MACROD2: variants seen among roughly 807,000 people sequenced by gnomAD.
MACROD2 encodes the protein mono-ADP ribosylhydrolase 2.
Under a neutral mutation model 70.4 loss-of-function variants are expected in MACROD2, and 36 were observed. The observed-to-expected ratio is 0.51, with a 90% confidence interval of 0.39 to 0.68. The LOEUF is 0.68. MACROD2 is among the 30% of genes least tolerant of loss of function. MACROD2 has a pLI of 0.00. For missense variants in MACROD2, 496 were observed against 538.4 expected (o/e 0.92, Z 0.78); for synonymous variants, 172 against 178.8 (o/e 0.96, Z 0.30).
At chr20:15,037,521 A>G (rs542633324) in intron 5 of MACROD2, among the ~76,000 whole-genome samples, 1 of 152,254 alleles carries the variant, frequency 6.6e-6, no homozygotes, top group African/African-American at 2.4e-5. Context: ...TTCTGCCAGG[A>G]CTGTCACATG....
chr20:15,326,492 T>C (rs1195618605), intron 6 of MACROD2, among the ~76,000 whole-genome samples: 1 of 152,128 alleles, frequency 6.6e-6, no homozygotes, highest in Non-Finnish European at 1.5e-5. Context: ...TTATTAACAA[T>C]TTATACACTC....
At chr20:15,264,835 C>G (rs1220880015) in intron 6 of MACROD2, among the ~76,000 whole-genome samples, 3 of 151,938 alleles carry the variant, frequency 2.0e-5, no homozygotes, top group Non-Finnish European at 4.4e-5. Flanking sequence ...CCTGACCACC[C>G]CAAACTTCAT....
intron 5 of MACROD2, chr20:14,894,705 A>G (rs1237022945): frequency 6.6e-6 from 1 of 152,184 alleles, no homozygotes; most frequent in East Asian, 1.9e-4. Flanking sequence ...AATCCAGTCA[A>G]ATAGCAAATA....
At chr20:15,168,441 A>ATGTG (rs56188346) in intron 5 of MACROD2, among the ~76,000 whole-genome samples, 8,399 of 134,618 alleles carry the variant, frequency 0.062, 311 homozygotes, top group African/African-American at 0.094. Flanking sequence ...ACATTGTGGG[A>ATGTG]TGTGTGTGTG....
intron 5 of MACROD2, among the ~76,000 whole-genome samples, chr20:15,088,223 A>G (rs1361359194): frequency 6.6e-6 from 1 of 151,620 alleles, no homozygotes; most frequent in African/African-American, 2.4e-5. Flanking sequence ...CTCTTTTGGC[A>G]TCATATATAA....
At chr20:14,932,099 T>C (rs1233569984) in intron 5 of MACROD2, among the ~76,000 whole-genome samples, 3 of 151,428 alleles carry the variant, frequency 2.0e-5, no homozygotes, top group African/African-American at 7.3e-5. Context: ...GGAAGCATAA[T>C]AGAGAAAGTT....
At chr20:15,101,088 A>G (rs1296471859) in intron 5 of MACROD2, among the ~76,000 whole-genome samples, 1 of 152,170 alleles carries the variant, frequency 6.6e-6, no homozygotes, top group Non-Finnish European at 1.5e-5. Context: ...AGTTGATGGA[A>G]AGAGCATGTT....
intron 3 of MACROD2, among the ~76,000 whole-genome samples, chr20:14,134,818 A>AAAC (rs2054772957): frequency 6.6e-6 from 1 of 151,422 alleles, no homozygotes; most frequent in South Asian, 2.1e-4. Flanking sequence ...AAAAAAAAAA[A>AAAC]AAAACAGCTA....
At position 15,632,224 on chromosome 20, in the gene MACROD2, G is replaced by C. The variant is rs578042260; in HGVS notation, c.645+132377G>C. ...AGAATAAAAATAAAATAAATAAAAAGAGTCTTGGCTTATTCTGAAGACAGT... is the reference window on the plus strand; with the variant it reads ...AGAATAAAAATAAAATAAATAAAAACAGTCTTGGCTTATTCTGAAGACAGT... On this transcript the variant is annotated intron_variant, in intron 8 of 17. Coordinates refer to ENST00000684519, the MANE Select transcript of MACROD2 (RefSeq NM_001351661.2). Among the ~76,000 whole-genome samples the C allele has an allele frequency of 4.0e-5, 6 of 151,578 alleles. No individual in the cohort carries two copies. In the South Asian group the frequency reaches 6.3e-4, roughly 16 times the overall value.
chr20:16,002,631 AGTAG>A (rs1229635009), intron 15 of MACROD2, among the ~76,000 whole-genome samples: 1 of 152,198 alleles, frequency 6.6e-6, no homozygotes, highest in African/African-American at 2.4e-5. Flanking sequence ...TAGAAACCGT[AGTAG>A]GTAATCAAAC....
intron 5 of MACROD2, among the ~76,000 whole-genome samples, chr20:14,986,203 A>T (rs1353626008): frequency 6.6e-6 from 1 of 152,162 alleles, no homozygotes; most frequent in Non-Finnish European, 1.5e-5. Context: ...AGGTTAAGCA[A>T]AAATTCTTTT....
chr20:15,028,275 C>A (rs1051709921), intron 5 of MACROD2, among the ~76,000 whole-genome samples: 2 of 152,152 alleles, frequency 1.3e-5, no homozygotes, highest in Non-Finnish European at 2.9e-5. Flanking sequence ...TAGGCAAGTC[C>A]CCTTGATCCA....
intron 5 of MACROD2, among the ~76,000 whole-genome samples, chr20:14,857,170 C>T (rs1045607166): frequency 6.6e-6 from 1 of 152,180 alleles, no homozygotes; most frequent in Admixed American, 6.5e-5. Flanking sequence ...TCTCTGTTCT[C>T]CAAGGCTGAT....
At chr20:15,355,957 G>T (rs1036206984) in intron 6 of MACROD2, among the ~76,000 whole-genome samples, 6 of 152,264 alleles carry the variant, frequency 3.9e-5, no homozygotes, top group South Asian at 2.1e-4. Flanking sequence ...ACCTTTCCAA[G>T]CTCTAGTTCT....
chr20:14,579,675 T>C (rs1022278656), intron 4 of MACROD2, among the ~76,000 whole-genome samples: 35 of 152,352 alleles, frequency 2.3e-4, no homozygotes, highest in African/African-American at 7.5e-4. Context: ...TAAGTTATAT[T>C]TTAAAAACTT....
chr20:15,306,625 C>T (rs929015963), intron 6 of MACROD2, among the ~76,000 whole-genome samples: 2 of 151,988 alleles, frequency 1.3e-5, no homozygotes, highest in African/African-American at 4.8e-5. Flanking sequence ...CCTGAATCCT[C>T]GTGTATGTGA....
intron 6 of MACROD2, among the ~76,000 whole-genome samples, chr20:15,297,569 A>G (rs188176271): frequency 5.8e-4 from 89 of 152,272 alleles, no homozygotes; most frequent in Middle Eastern, 3.4e-3. Flanking sequence ...GGTTTTTCTC[A>G]TTTATTTCAG....
Position 15,323,691 on chromosome 20 carries a change from T to A in MACROD2, c.540+93630T>A, listed in dbSNP as rs377761835. On this transcript the variant is annotated intron_variant, in intron 6 of 17. Coordinates refer to ENST00000684519, the MANE Select transcript of MACROD2 (RefSeq NM_001351661.2). ...TTCTGTCTAATTGATTCAGTAAATC[T>A]GGTTGATTCTACTTCTTGTGTATTT... 3.3e-5 allele frequency among the ~76,000 whole-genome samples: 5 copies of A among 152,318 alleles called. No individual in the cohort carries two copies. In the South Asian group the frequency reaches 6.2e-4, roughly 19 times the overall value.
intron 4 of MACROD2, among the ~76,000 whole-genome samples, chr20:14,601,949 G>A (rs1352308141): frequency 2.6e-5 from 4 of 151,884 alleles, no homozygotes; most frequent in Non-Finnish European, 4.4e-5. Flanking sequence ...TAAGCATCTC[G>A]CACCATATAT....
Sources: gnomAD v4.1 joint callset for allele counts (sites outside exome capture counted in the v4.1 genomes callset) on GRCh38, gnomAD v4.1.1 for gene constraint, MANE v1.5 for transcripts, NCBI Gene and HGNC (gene_info 2026-07-23, HGNC 2026-07-21) for gene names.